Variants in VPS13C observed in about 807,000 individuals in gnomAD.
VPS13C encodes the protein vacuolar protein sorting 13 homolog C.
VPS13C carries 358 observed loss-of-function variants against 456.8 expected under a neutral mutation model. The observed-to-expected ratio is 0.78, with a 90% CI of 0.72 to 0.86. The LOEUF is 0.86. Among genes scored for constraint, VPS13C ranks in the 40% least tolerant of loss-of-function variants. The pLI, the probability that VPS13C is intolerant of heterozygous loss-of-function variation, is 0.00. For missense variants in VPS13C, 4,818 were observed against 4,385.4 expected (o/e 1.10, Z -2.79); for synonymous variants, 1,578 against 1,486.7 (o/e 1.06, Z -1.41).
At chr15:61,917,709 T>C (rs2043518257) in intron 59 of VPS13C, 74 bp from the exon 60 acceptor site, 1 of 1,472,294 alleles carries the variant, frequency 6.8e-7, no homozygotes. Context: ...TAAATCTTCC[T>C]GACAACTCTA....
In VPS13C at chr15:61,858,975, A is replaced by G. The variant is rs190532040; in HGVS notation, c.10953-2566T>C. ...AGGATCTTTTAAAACTACAAGCCTCATCATATTACTTGTTTACAAACCTTC... is the reference window on the plus strand; with the variant it reads ...AGGATCTTTTAAAACTACAAGCCTCGTCATATTACTTGTTTACAAACCTTC... On this transcript the variant is annotated intron_variant, in intron 82 of 84. Coordinates refer to ENST00000644861, the MANE Select transcript of VPS13C (RefSeq NM_020821.3). This position sits in a 1 kb window ranked among gnomAD's most constrained non-coding sequence, Gnocchi z 4.4. Among the ~76,000 whole-genome samples, 25 of 152,336 alleles carry G rather than the reference A, an allele frequency of 1.6e-4. No homozygotes were observed. Among genetic ancestry groups the G allele is most frequent in the African/African-American group, 5.5e-4 (23 of 41,580 alleles).
intron 40 of VPS13C, among the ~76,000 whole-genome samples, 169 bp from the exon 41 acceptor site, chr15:61,950,586 A>G (rs1452116236): frequency 6.6e-6 from 1 of 151,954 alleles, no homozygotes; most frequent in Non-Finnish European, 1.5e-5. Flanking sequence ...AACTGACCAC[A>G]TAAGCATTTC....
intron 53 of VPS13C, among the ~76,000 whole-genome samples, chr15:61,925,077 A>T (rs1197403567): frequency 1.3e-5 from 2 of 152,184 alleles, no homozygotes; most frequent in Admixed American, 1.3e-4. Context: ...CTTATACATC[A>T]AATAAAAGCC....
At position 61,934,344 on chromosome 15, in the gene VPS13C, AT is replaced by A; in HGVS notation, c.5756-14del. ...CAATCTTCTTGTTCTAATGGTGAAA[AT>A]TTAAAAGCTTTTAAGTAGGTACGTA... On this transcript the variant is annotated splice_polypyrimidine_tract_variant and intron_variant, in intron 48 of 84. Transcript: ENST00000644861. 6.8e-7 allele frequency: 1 copy of A among 1,459,942 alleles called. No homozygotes were observed. The highest frequency in any genetic ancestry group is 9.1e-7 in the Non-Finnish European group (1 of 1,094,008). The allele number at this position is 1,459,942 out of a possible 1,614,324, so 90.4% of individuals were successfully genotyped here.
intron 55 of VPS13C, 44 bp from the exon 56 acceptor site, chr15:61,920,691 T>G: frequency 6.6e-7 from 1 of 1,512,502 alleles, no homozygotes; most frequent in Non-Finnish European, 8.8e-7. Context: ...ATTAGCCAGT[T>G]GATAATAAAA....
At chr15:62,051,761 C>T (rs755154763) in intron 1 of VPS13C, among the ~76,000 whole-genome samples, 2 of 152,096 alleles carry the variant, frequency 1.3e-5, no homozygotes, top group Non-Finnish European at 2.9e-5. Flanking sequence ...AGGATAGAGT[C>T]AAGGGGGTTA....
intron 16 of VPS13C, among the ~76,000 whole-genome samples, chr15:61,994,227 T>A (rs1254933604): frequency 4.6e-5 from 7 of 152,196 alleles, no homozygotes; most frequent in African/African-American, 1.7e-4. Context: ...CCATCCTTCT[T>A]TGTCTACTGC....
chr15:61,949,667 T>C (rs2044720987), intron 41 of VPS13C, 62 bp from the exon 42 acceptor site: 1 of 1,506,974 alleles, frequency 6.6e-7, no homozygotes, highest in Admixed American at 2.2e-5. Flanking sequence ...ACATCAGGGT[T>C]CAACAGATAT....
chr15:61,903,204 G>A (rs1240942199), intron 66 of VPS13C, among the ~76,000 whole-genome samples: 1 of 151,908 alleles, frequency 6.6e-6, no homozygotes, highest in African/African-American at 2.4e-5. Flanking sequence ...TGGGCTTGGT[G>A]GTACACAACT....
chr15:62,049,023 G>A (rs1474810783), intron 1 of VPS13C, among the ~76,000 whole-genome samples: 1 of 150,380 alleles, frequency 6.6e-6, no homozygotes, highest in Non-Finnish European at 1.5e-5. Context: ...AGATGAGTAG[G>A]TTGCGAAAAT....
At chr15:62,002,050 G>T (rs944475861) in intron 15 of VPS13C, among the ~76,000 whole-genome samples, 4 of 152,110 alleles carry the variant, frequency 2.6e-5, no homozygotes, top group Admixed American at 2.0e-4. Context: ...GAGATGGCTG[G>T]GTCAAATGGT....
At chr15:62,032,013 C>G (rs2047836417) in intron 5 of VPS13C, among the ~76,000 whole-genome samples, 1 of 151,656 alleles carries the variant, frequency 6.6e-6, no homozygotes, top group Non-Finnish European at 1.5e-5. Context: ...AAAGGAGGAG[C>G]TTAAGATTTG....
intron 1 of VPS13C, among the ~76,000 whole-genome samples, chr15:62,055,086 T>C (rs550235465): frequency 6.6e-6 from 1 of 152,204 alleles, no homozygotes; most frequent in Non-Finnish European, 1.5e-5. Flanking sequence ...TACATAAGAA[T>C]TGCTTGGCAT....
intron 57 of VPS13C, among the ~76,000 whole-genome samples, chr15:61,919,855 C>A (rs1332816967): frequency 6.7e-6 from 1 of 148,232 alleles, no homozygotes; most frequent in Non-Finnish European, 1.5e-5. Flanking sequence ...TATTTAAGGG[C>A]ACAAAAATAA....
intron 2 of VPS13C, 43 bp downstream of exon 2, chr15:62,044,169 A>G (rs1451071631): frequency 2.9e-6 from 4 of 1,376,118 alleles, no homozygotes. Context: ...CTAAGAACTT[A>G]CCAAATTAAG....
chr15:61,940,878 C>G (rs1220532234), intron 46 of VPS13C, 84 bp from the exon 47 acceptor site: 8 of 1,358,720 alleles, frequency 5.9e-6, no homozygotes, highest in East Asian at 2.5e-5. Flanking sequence ...AGTTTCCACA[C>G]AGCATTTCAT....
intron 69 of VPS13C, among the ~76,000 whole-genome samples, chr15:61,882,322 G>A (rs915031892): frequency 6.6e-6 from 1 of 152,058 alleles, no homozygotes; most frequent in Non-Finnish European, 1.5e-5. Flanking sequence ...ATCTTATTTG[G>A]GGGTCCCATG....
At position 61,881,845 on chromosome 15, in the gene VPS13C, C is replaced by T. The variant is rs201417147; in HGVS notation, c.9625-17G>A. On this transcript the variant is annotated splice_polypyrimidine_tract_variant and intron_variant, in intron 69 of 84. Coordinates refer to ENST00000644861, the MANE Select transcript of VPS13C (RefSeq NM_020821.3). ...ATTATCAACCTGAAAGAAAAGAAAA[C>T]GAACTTATCAAGATTTCAAATAATT... 159 of 1,570,528 alleles carry T rather than the reference C, an allele frequency of 1.0e-4. 1 individual carries two copies. Among genetic ancestry groups the T allele is most frequent in the Middle Eastern group, 9.9e-4 (5 of 5,034 alleles).
intron 3 of VPS13C, among the ~76,000 whole-genome samples, chr15:62,037,251 AT>A (rs66808118): frequency 0.16 from 5,197 of 32,292 alleles, 563 homozygotes; most frequent in Admixed American, 0.31. Flanking sequence ...TATATAATAT[AT>A]TTATATATAT....
Sources: gnomAD v4.1 joint callset for allele counts (sites outside exome capture counted in the v4.1 genomes callset) on GRCh38, gnomAD v4.1.1 for gene constraint, Gnocchi (gnomAD v3.1) non-coding constraint, MANE v1.5 for transcripts, NCBI Gene and HGNC (gene_info 2026-07-23, HGNC 2026-07-21) for gene names.